Variants in PSEN1 observed in about 807,000 individuals in gnomAD.
The protein encoded by PSEN1 is presenilin 1, also known as presenilin-1.
Under a neutral mutation model 53.5 loss-of-function variants are expected in PSEN1, and 15 were observed. That is an observed-to-expected ratio of 0.28 (90% confidence interval 0.19 to 0.43). The LOEUF is 0.43. Among genes scored for constraint, PSEN1 ranks in the 20% least tolerant of loss-of-function variants. PSEN1 has a pLI of 1.00. For synonymous variants in PSEN1, 208 were observed against 209.8 expected (o/e 0.99, Z 0.08); for missense variants, 387 against 571.2 (o/e 0.68, Z 3.29).
At chr14:73,197,720 C>T (rs181420275) in intron 7 of PSEN1, 2 of 368,484 alleles carry the variant, frequency 5.4e-6, no homozygotes, top group African/African-American at 4.2e-5. Flanking sequence ...ATCATTATCT[C>T]TGCAGCTTTC....
chr14:73,173,849 C>T (rs768786722), intron 5 of PSEN1, 142 bp downstream of exon 5: 164 of 1,002,096 alleles, frequency 1.6e-4, no homozygotes, highest in Non-Finnish European at 2.3e-4. Flanking sequence ...TCTTCCTCCT[C>T]ACTGTGGAAC....
intron 11 of PSEN1, among the ~76,000 whole-genome samples, chr14:73,217,626 T>A (rs1899967951): frequency 6.6e-6 from 1 of 152,150 alleles, no homozygotes; most frequent in South Asian, 2.1e-4. Context: ...GTCCCTGGAC[T>A]TAATCACTGA....
intron 5 of PSEN1, among the ~76,000 whole-genome samples, chr14:73,181,788 T>C (rs1357896457): frequency 2.6e-5 from 4 of 152,182 alleles, no homozygotes; most frequent in South Asian, 4.1e-4. Context: ...TCGTATTTTT[T>C]TTTGAGACAA....
chr14:73,192,354 C>T (rs925915492), intron 6 of PSEN1, among the ~76,000 whole-genome samples: 4 of 152,022 alleles, frequency 2.6e-5, no homozygotes, highest in African/African-American at 9.7e-5. Flanking sequence ...GCTGGGAAGA[C>T]CACCTGATCT....
Position 73,198,053 on chromosome 14 carries a change from G to A in PSEN1, c.792G>A (p.Pro264=), listed in dbSNP as rs150301281. 3.5e-5 allele frequency: 57 copies of A among 1,610,342 alleles called. No homozygotes were observed. The African/African-American group carries it at 4.9e-4, about 14-fold the overall frequency. The change falls in exon 8 of 12, where the codon CCG becomes CCA. Residue 264 remains proline (P), a synonymous_variant. Coordinates refer to ENST00000324501, the MANE Select transcript of PSEN1 (RefSeq NM_000021.4). The part of the protein sequence containing the change: ...SVYDLVAVLC[P]KGPLRMLVET... ...TAGATTTAGTGGCTGTTTTGTGTCC[G>A]AAAGGTCCACTTCGTATGCTGGTTG...
Position 73,138,022 on chromosome 14 carries a change from A to G in PSEN1, c.-136+1439A>G, listed in dbSNP as rs912623757. On this transcript the variant is annotated intron_variant, in intron 1 of 11. Coordinates refer to ENST00000324501, the MANE Select transcript of PSEN1 (RefSeq NM_000021.4). ...GGGAGAAGGAGGTTGCAGTAAGCCA[A>G]GATTATGCCACTGCACTGCAGCCTG... 4 of 151,590 alleles carry G rather than the reference A, an allele frequency of 2.6e-5. 1 individual carries two copies. The highest frequency in any genetic ancestry group is 9.7e-5 in the African/African-American group (4 of 41,388). 9.4% of individuals were successfully genotyped at this position (151,590 alleles called of 1,614,324 possible). A position where few individuals can be genotyped will look rare whatever the true frequency, so the allele number is the denominator to read the frequency against.
rs201752111 is a variant in PSEN1 at position 73,219,946 on chromosome 14, C to T, written c.*657C>T. Reference sequence around the variant, plus strand: ...CTTTGGCAATTCTTCTTCTCAAGCACTGACACTCATTACCGTCTGTGATTG... The same window carrying T: ...CTTTGGCAATTCTTCTTCTCAAGCATTGACACTCATTACCGTCTGTGATTG... On this transcript the variant is annotated 3_prime_UTR_variant, in exon 12 of 12. Coordinates refer to ENST00000324501, the MANE Select transcript of PSEN1 (RefSeq NM_000021.4). 6.5e-6 allele frequency: 1 copy of T among 153,102 alleles called. No homozygotes were observed. The highest frequency in any genetic ancestry group is 1.5e-5 in the Non-Finnish European group (1 of 68,718). 9.5% of individuals were successfully genotyped at this position (153,102 alleles called of 1,614,324 possible).
At chr14:73,160,631 A>G (rs1237735716) in intron 3 of PSEN1, among the ~76,000 whole-genome samples, 1 of 151,946 alleles carries the variant, frequency 6.6e-6, no homozygotes, top group Non-Finnish European at 1.5e-5. Context: ...TCTAATGATT[A>G]GTGATGTTGA....
intron 7 of PSEN1, among the ~76,000 whole-genome samples, chr14:73,196,583 C>G (rs1256549669): frequency 1.3e-5 from 2 of 150,218 alleles, no homozygotes; most frequent in African/African-American, 2.5e-5. Flanking sequence ...AAGCAATCCT[C>G]CCACCTCAGC....
chr14:73,189,865 GACCT>G (rs1898651860), intron 6 of PSEN1: 1 of 233,084 alleles, frequency 4.3e-6, no homozygotes, highest in South Asian at 5.6e-5. Flanking sequence ...AGAAGCCCTT[GACCT>G]TTACCATGTG....
At chr14:73,191,661 C>G (rs1396620293) in intron 6 of PSEN1, among the ~76,000 whole-genome samples, 2 of 151,998 alleles carry the variant, frequency 1.3e-5, no homozygotes, top group Non-Finnish European at 2.9e-5. Context: ...ATCTTCCTGC[C>G]CCAGCCTCCT....
chr14:73,213,293 A>G (rs1294411477), intron 10 of PSEN1, among the ~76,000 whole-genome samples: 1 of 152,214 alleles, frequency 6.6e-6, no homozygotes, highest in East Asian at 1.9e-4. Context: ...AGAGGAAATA[A>G]CATAATAGTT....
chr14:73,182,751 A>C (rs1442461469), intron 5 of PSEN1, among the ~76,000 whole-genome samples: 1 of 152,100 alleles, frequency 6.6e-6, no homozygotes. Flanking sequence ...AGGCAGGAGA[A>C]TTGCTTGAAT....
At chr14:73,139,100 G>A (rs999585170) in intron 1 of PSEN1, among the ~76,000 whole-genome samples, 9 of 150,108 alleles carry the variant, frequency 6.0e-5, no homozygotes, top group African/African-American at 2.2e-4. Context: ...TGGCTCACGC[G>A]GTGAAACCCC....
In PSEN1 at chr14:73,143,884, G is replaced by T. The variant is rs187585839; in HGVS notation, c.-135-3911G>T. On this transcript the variant is annotated intron_variant, in intron 1 of 11. Coordinates refer to ENST00000324501, the MANE Select transcript of PSEN1 (RefSeq NM_000021.4). Reference sequence around the variant, plus strand: ...CACCCATGTAGTCCCACCTGCTTGGGAGGCTGAGGTGGGAGGATCGACTGA... The same window carrying T: ...CACCCATGTAGTCCCACCTGCTTGGTAGGCTGAGGTGGGAGGATCGACTGA... Among the ~76,000 whole-genome samples the T allele has an allele frequency of 1.2e-3, 178 of 151,696 alleles. 1 individual carries two copies. Among genetic ancestry groups the T allele is most frequent in the African/African-American group, 4.2e-3 (174 of 41,346 alleles).
At chr14:73,183,623 C>T (rs1177807472) in intron 5 of PSEN1, among the ~76,000 whole-genome samples, 1 of 152,134 alleles carries the variant, frequency 6.6e-6, no homozygotes, top group Non-Finnish European at 1.5e-5. Flanking sequence ...GGTAAGGTCA[C>T]AGATCAACAG....
intron 3 of PSEN1, among the ~76,000 whole-genome samples, chr14:73,161,722 G>A (rs899349821): frequency 4.6e-5 from 7 of 152,094 alleles, no homozygotes; most frequent in Non-Finnish European, 8.8e-5. Flanking sequence ...CTTGGTGTCC[G>A]GGTCACACAT....
In PSEN1 at chr14:73,211,816, G is replaced by A. The variant is rs138871096; in HGVS notation, c.1003G>A (p.Gly335Arg). Residue 335 changes from glycine to arginine, a missense_variant, in exon 10 of 12, where the codon GGG becomes AGG. Physicochemically the swap from Gly to Arg is moderately radical, Grantham distance 125. This residue lies in a region of PSEN1 where 75 missense variants were observed against 63.7 expected (regional missense o/e 1.18). Transcript: ENST00000324501. ...CACTGTTGCAGAGAATGATGATGGC[G>A]GGTTCAGTGAGGAATGGGAAGCCCA... ...QDTVAENDDG[G>R]FSEEWEAQRD... 1.8e-5 allele frequency: 29 copies of A among 1,613,978 alleles called. No individual in the cohort carries two copies. The highest frequency in any genetic ancestry group is 1.1e-4 in the African/African-American group (8 of 74,898).
At chr14:73,207,049 A>G (rs1269669512) in intron 9 of PSEN1, among the ~76,000 whole-genome samples, 1 of 152,180 alleles carries the variant, frequency 6.6e-6, no homozygotes, top group African/African-American at 2.4e-5. Context: ...AGCTGGGTGC[A>G]GTGATGTGTG....
Sources: allele counts gnomAD v4.1 joint callset (sites outside exome capture counted in the v4.1 genomes callset), GRCh38; gene constraint gnomAD v4.1.1; regional missense constraint gnomAD v4.1.1; transcripts MANE v1.5; gene names NCBI Gene and HGNC (gene_info 2026-07-23, HGNC 2026-07-21).